Variants in PPP3CA observed in about 807,000 individuals in gnomAD.
PPP3CA encodes CAM-PRP catalytic subunit.
Under a neutral mutation model 66.5 loss-of-function variants are expected in PPP3CA, and 14 were observed. That is an observed-to-expected ratio of 0.21 (90% CI 0.14 to 0.33). The LOEUF (loss-of-function observed/expected upper bound fraction) is 0.33, where lower values mean the gene tolerates loss of function less well. PPP3CA is among the 10% of genes least tolerant of loss of function. The probability of loss-of-function intolerance (pLI) is 1.00; values close to 1 mark genes in which losing one functional copy is unlikely to be tolerated. For missense variants in PPP3CA, 317 were observed against 639.5 expected, an observed-to-expected ratio of 0.50 and a Z score of 5.44; for synonymous variants, 232 against 226.2, an observed-to-expected ratio of 1.03 and a Z score of -0.23.
At chr4:101,317,022 A>G (rs781678324) in intron 1 of PPP3CA, among the ~76,000 whole-genome samples, 8 of 152,110 alleles carry the variant, frequency 5.3e-5, no homozygotes, top group South Asian at 2.1e-4. Flanking sequence ...AAAATTTTCT[A>G]TAAGTATTTT....
chr4:101,214,127 T>C (rs1356374595), intron 1 of PPP3CA, among the ~76,000 whole-genome samples: 1 of 152,152 alleles, frequency 6.6e-6, no homozygotes, highest in East Asian at 1.9e-4. Context: ...AAATAAGAGA[T>C]TTAGTCCTTA....
At chr4:101,248,313 T>A (rs978448557) in intron 1 of PPP3CA, among the ~76,000 whole-genome samples, 2 of 152,334 alleles carry the variant, frequency 1.3e-5, no homozygotes, top group South Asian at 4.1e-4. Context: ...AGATTAGAAT[T>A]CCTTCATGTA....
Position 101,080,606 on chromosome 4 carries a change from CT to C in PPP3CA, c.880del (p.Ser294AlafsTer9). The C allele has an allele frequency of 3.9e-6, 6 of 1,531,768 alleles. No individual in the cohort carries two copies. The highest frequency in any genetic ancestry group is 2.7e-5 in the South Asian group (2 of 74,588). The allele number at this position is 1,531,768 out of a possible 1,614,324, so 94.9% of individuals were successfully genotyped here. ...TAGAGAAGGGAAGCCTGTTGTTTGG[CT>C]TTTCCTGTACATGCGGTACCTAAAA... ...QDAGYRMYRK[S>X]QTTGFPSLIT... On this transcript the variant is annotated frameshift_variant, in exon 8 of 14. Transcript: ENST00000394854. LOFTEE classifies it high-confidence loss of function.
intron 2 of PPP3CA, among the ~76,000 whole-genome samples, chr4:101,164,825 A>C (rs1350839101): frequency 6.6e-6 from 1 of 152,200 alleles, no homozygotes; most frequent in Non-Finnish European, 1.5e-5. Flanking sequence ...TATCATAATT[A>C]AAATAGGATT....
intron 2 of PPP3CA, among the ~76,000 whole-genome samples, chr4:101,139,914 A>G (rs1401374840): frequency 6.6e-6 from 1 of 151,942 alleles, no homozygotes. Context: ...ATTCACCTGA[A>G]GTCTTTAAAA....
Position 101,098,491 on chromosome 4 carries a change from C to T in PPP3CA, c.518G>A (p.Arg173His), listed in dbSNP as rs142836504. The part of the protein sequence containing the change: ...KQECKIKYSE[R>H]VYDACMDAFD... ...GGCATCCATACAGGCATCATATACG[C>T]GTTCTGAATACTTTATTTTACCTTT... The change falls in exon 5 of 14, where the codon CGC becomes CAC. Residue 173 changes from arginine to histidine, a missense_variant. By Grantham distance (29) the Arg-to-His change is conservative. This residue lies in a region of PPP3CA where 201 missense variants were observed against 501.4 expected (regional missense o/e 0.40). Coordinates refer to ENST00000394854, the MANE Select transcript of PPP3CA (RefSeq NM_000944.5). 7.3e-5 allele frequency: 118 copies of T among 1,606,926 alleles called. 1 individual carries two copies. The Admixed American group carries it at 1.5e-3, about 21-fold the overall frequency.
chr4:101,209,995 G>C (rs1725250233), intron 1 of PPP3CA, among the ~76,000 whole-genome samples: 2 of 152,158 alleles, frequency 1.3e-5, no homozygotes, highest in African/African-American at 4.8e-5. Flanking sequence ...ATCGAATAAA[G>C]GGTTTAGGAG....
Position 101,106,446 on chromosome 4 carries a change from A to AG in PPP3CA, c.384+2507_384+2508insC, listed in dbSNP as rs1490156367. On this transcript the variant is annotated intron_variant, in intron 3 of 13. Transcript: ENST00000394854. ...GAAAGAAAGAAAGAAAGAAAGAAAG[A>AG]AAGAAAGAGAAAAGAAAAGAAAAGA... Among the ~76,000 whole-genome samples the AG allele has an allele frequency of 5.9e-3, 67 of 11,276 alleles. 17 individuals carry two copies. Among genetic ancestry groups the AG allele is most frequent in the African/African-American group, 0.027 (67 of 2,502 alleles). The allele number at this position is 11,276 out of a possible 152,430, so 7.4% of individuals were successfully genotyped here. A position where few individuals can be genotyped will look rare whatever the true frequency, so the allele number is the denominator to read the frequency against.
At chr4:101,149,224 A>G (rs1723058370) in intron 2 of PPP3CA, among the ~76,000 whole-genome samples, 1 of 152,162 alleles carries the variant, frequency 6.6e-6, no homozygotes, top group Non-Finnish European at 1.5e-5. Context: ...CTTCACATGC[A>G]TTGCAACATT....
At chr4:101,163,903 GAATA>G (rs1560635220) in intron 2 of PPP3CA, among the ~76,000 whole-genome samples, 1 of 151,866 alleles carries the variant, frequency 6.6e-6, no homozygotes, top group African/African-American at 2.4e-5. Context: ...TATTTATCAT[GAATA>G]AATAGATTTC....
intron 2 of PPP3CA, among the ~76,000 whole-genome samples, chr4:101,121,192 C>G (rs1343813756): frequency 6.6e-6 from 1 of 152,038 alleles, no homozygotes; most frequent in African/African-American, 2.4e-5. Context: ...GATTATCAAT[C>G]AACTCTTCTC....
chr4:101,096,360 A>G (rs1730194614), intron 5 of PPP3CA, among the ~76,000 whole-genome samples: 1 of 152,234 alleles, frequency 6.6e-6, no homozygotes, highest in Admixed American at 6.5e-5. Flanking sequence ...GAGTTTCATT[A>G]ACAAAAGTAT....
chr4:101,291,227 G>A (rs984311475), intron 1 of PPP3CA, among the ~76,000 whole-genome samples: 3 of 152,104 alleles, frequency 2.0e-5, no homozygotes, highest in Non-Finnish European at 2.9e-5. Flanking sequence ...TTCCTGCTTT[G>A]CTTTCACTAA....
chr4:101,250,412 C>T, intron 1 of PPP3CA: 2 of 451,960 alleles, frequency 4.4e-6, no homozygotes, highest in East Asian at 1.4e-4. Context: ...TCATATGTTG[C>T]CATAAGAATA....
At chr4:101,311,693 T>C (rs1001879224) in intron 1 of PPP3CA, among the ~76,000 whole-genome samples, 1 of 152,118 alleles carries the variant, frequency 6.6e-6, no homozygotes, top group Middle Eastern at 3.2e-3. Context: ...GGCAGGAGAA[T>C]AGCTTGAACC....
chr4:101,119,462 A>ACAGAAGTAATGT, intron 2 of PPP3CA, among the ~76,000 whole-genome samples: 1 of 152,164 alleles, frequency 6.6e-6, no homozygotes, highest in South Asian at 2.1e-4. Flanking sequence ...GACGGAGTAA[A>ACAGAAGTAATGT]CAGAAGTAAT....
rs117810465 is a variant in PPP3CA, at chr4:101,216,599, G to A, written c.59-20483C>T. On this transcript the variant is annotated intron_variant, in intron 1 of 13. Transcript: ENST00000394854. ...TGTTGCCCAGGCTGAATTCAGCAGC[G>A]CAATCTCATTTCACTGCAGCCTTGA... Among the ~76,000 whole-genome samples the A allele has an allele frequency of 3.7e-3, 566 of 151,918 alleles. 4 individuals carry two copies. Among genetic ancestry groups the A allele is most frequent in the Middle Eastern group, 0.021 (6 of 292 alleles).
At chr4:101,040,679 T>C in intron 10 of PPP3CA, 113 bp from the exon 11 acceptor site, 1 of 808,580 alleles carries the variant, frequency 1.2e-6, no homozygotes, top group Non-Finnish European at 1.8e-6. Flanking sequence ...TTTTTTTTTT[T>C]TCCCCCTTAA....
intron 1 of PPP3CA, among the ~76,000 whole-genome samples, chr4:101,276,617 A>T (rs1379330444): frequency 6.6e-6 from 1 of 152,080 alleles, no homozygotes; most frequent in African/African-American, 2.4e-5. Context: ...TTCTTCACTC[A>T]TCCCATCATG....
Sources: allele counts gnomAD v4.1 joint callset (sites outside exome capture counted in the v4.1 genomes callset), GRCh38; gene constraint gnomAD v4.1.1; regional missense constraint gnomAD v4.1.1; transcripts MANE v1.5; gene names NCBI Gene and HGNC (gene_info 2026-07-23, HGNC 2026-07-21).